The following AP4E1 variants were observed in gnomAD, a reference collection of about 807,000 sequenced individuals.
The protein encoded by AP4E1 is adaptor related protein complex 4 subunit epsilon 1, also known as AP-4 complex subunit epsilon-1.
AP4E1 carries 56 observed loss-of-function variants against 128.2 expected under a neutral mutation model. The observed-to-expected ratio is 0.44, with a 90% CI of 0.35 to 0.55. The LOEUF (loss-of-function observed/expected upper bound fraction) is 0.55. Among genes scored for constraint, AP4E1 ranks in the 20% least tolerant of loss-of-function variants. The pLI is 0.00. For synonymous variants in AP4E1, 484 were observed against 473.1 expected, an observed-to-expected ratio of 1.02 and a Z score of -0.30; for missense variants, 1,324 against 1,307.7, an observed-to-expected ratio of 1.01 and a Z score of -0.19.
At chr15:50,909,834 C>T (rs904800915) in intron 1 of AP4E1, among the ~76,000 whole-genome samples, 1 of 151,288 alleles carries the variant, frequency 6.6e-6, no homozygotes. Context: ...ACTACAAGTG[C>T]CCGCCACTGC....
rs575592148 is a variant in AP4E1 at position 51,002,810 on chromosome 15, C to T, written c.*148C>T. On this transcript the variant is annotated 3_prime_UTR_variant, in exon 21 of 21. Transcript: ENST00000261842. ...ATATGTTTTCTTTGTGATTCCTGGT[C>T]AAGAAAGATCCCCAAAACTGTATCC... 7.9e-5 allele frequency: 79 copies of T among 1,002,492 alleles called. 1 individual carries two copies. The highest frequency in any genetic ancestry group is 2.1e-4 in the South Asian group (14 of 67,816). The allele number at this position is 1,002,492 out of a possible 1,614,324, so 62.1% of individuals were successfully genotyped here.
chr15:50,990,344 T>TA (rs2064788099), intron 16 of AP4E1, among the ~76,000 whole-genome samples: 5 of 141,102 alleles, frequency 3.5e-5, no homozygotes, highest in Non-Finnish European at 6.1e-5. Context: ...ATTTATTTAA[T>TA]TTATTATTAT....
intron 5 of AP4E1, 117 bp downstream of exon 5, chr15:50,925,336 AATAATACAAAAATCTTC>A: frequency 9.0e-7 from 1 of 1,106,022 alleles, no homozygotes; most frequent in Non-Finnish European, 1.3e-6. Flanking sequence ...GACTGCTAGG[AATAATACAAAAATCTTC>A]AATAGGATCA....
chr15:50,931,107 T>C lies in AP4E1; in HGVS notation c.869+136T>C. On this transcript the variant is annotated intron_variant, in intron 7 of 20. Transcript: ENST00000261842. Reference sequence around the variant, plus strand: ...GCTTAATAGTGATAAAAGAAGCCATTGTAAGAATCACATAAATGCTTTCAG... The same window carrying C: ...GCTTAATAGTGATAAAAGAAGCCATCGTAAGAATCACATAAATGCTTTCAG... The C allele has an allele frequency of 1.8e-5, 20 of 1,108,400 alleles. No individual in the cohort carries two copies. In the South Asian group the frequency reaches 2.5e-4, roughly 14 times the overall value. 68.7% of individuals were successfully genotyped at this position (1,108,400 alleles called of 1,614,324 possible). A position where few individuals can be genotyped will look rare whatever the true frequency, so the allele number is the denominator to read the frequency against.
At chr15:51,001,307 G>C (rs2064959989) in intron 20 of AP4E1, 124 bp downstream of exon 20, 2 of 893,336 alleles carry the variant, frequency 2.2e-6, no homozygotes, top group Non-Finnish European at 3.4e-6. Context: ...CTGTCTTTCA[G>C]ATGAATGTGT....
chr15:50,948,627 TAAAAGTC>T (rs2064099260), intron 11 of AP4E1, among the ~76,000 whole-genome samples: 1 of 152,178 alleles, frequency 6.6e-6, no homozygotes, highest in Admixed American at 6.5e-5. Flanking sequence ...GTTTGTTTCT[TAAAAGTC>T]AGAAGAACTT....
upstream of AP4E1, chr15:50,908,528 T>C (rs151287309): frequency 3.2e-3 from 1,353 of 421,864 alleles, 6 homozygotes; most frequent in Middle Eastern, 0.018. Context: ...CGCTACCCCG[T>C]CGCGAGAAAG....
chr15:50,909,193 G>C (rs2063534100), intron 1 of AP4E1, among the ~76,000 whole-genome samples: 1 of 152,258 alleles, frequency 6.6e-6, no homozygotes, highest in Admixed American at 6.5e-5. Context: ...GAGCCTCCGT[G>C]TGTTTTCTCA....
At chr15:50,927,020 A>G (rs1344324661) in intron 5 of AP4E1, among the ~76,000 whole-genome samples, 1 of 152,214 alleles carries the variant, frequency 6.6e-6, no homozygotes, top group Non-Finnish European at 1.5e-5. Context: ...CTGTGTTTAG[A>G]ACGAAGGATG....
chr15:50,944,189 T>A (rs1046341342), intron 10 of AP4E1, among the ~76,000 whole-genome samples: 1 of 152,198 alleles, frequency 6.6e-6, no homozygotes, highest in African/African-American at 2.4e-5. Flanking sequence ...GTCTCTTCAA[T>A]GCTGTTGTCA....
rs2065002984 is a variant in AP4E1 at position 51,004,943 on chromosome 15, GTGCAATCTCCGCTCAC to G, written c.*2287_*2302del. On this transcript the variant is annotated 3_prime_UTR_variant, in exon 21 of 21. Transcript: ENST00000261842. Reference sequence around the variant, plus strand: ...TTGTTGCCCAGGCTAGAGTGTAATGGTGCAATCTCCGCTCACTGCAACCTCTGCCTCCCAGGTTCAA... The same window carrying G: ...TTGTTGCCCAGGCTAGAGTGTAATGGTGCAACCTCTGCCTCCCAGGTTCAA... 6.6e-6 allele frequency: 1 copy of G among 152,212 alleles called. No individual in the cohort carries two copies. The allele number at this position is 152,212 out of a possible 1,614,324, so 9.4% of individuals were successfully genotyped here.
intron 10 of AP4E1, among the ~76,000 whole-genome samples, chr15:50,947,415 C>CATAAAAAAAAAAAAAAATAAAAA (rs2064076920): frequency 8.5e-6 from 1 of 117,176 alleles, no homozygotes. Flanking sequence ...GACCCTGTCT[C>CATAAAAAAAAAAAAAAATAAAAA]AAAAAAAAAA....
chr15:50,998,630 A>G lies in AP4E1; in HGVS notation c.2905-442A>G, dbSNP rs576741091. 2.6e-5 allele frequency among the ~76,000 whole-genome samples: 4 copies of G among 151,104 alleles called. No homozygotes were observed. In the East Asian group the frequency reaches 7.8e-4, roughly 29 times the overall value. ...GGGTGACAGAGTGAGACTCCATCTC[A>G]AAAAAAAAGAATCATCTGTGGAACT... is the stretch of plus-strand genomic sequence containing the variant. On this transcript the variant is annotated intron_variant, in intron 18 of 20. Coordinates refer to ENST00000261842, the MANE Select transcript of AP4E1 (RefSeq NM_007347.5).
intron 10 of AP4E1, among the ~76,000 whole-genome samples, chr15:50,943,097 C>T (rs867704727): frequency 1.4e-4 from 21 of 152,174 alleles, no homozygotes; most frequent in African/African-American, 5.1e-4. Flanking sequence ...TTCATCATTA[C>T]ATCCATGTGT....
chr15:50,997,132 T>G (rs547538010), intron 17 of AP4E1, among the ~76,000 whole-genome samples, 194 bp from the exon 18 acceptor site: 1 of 152,322 alleles, frequency 6.6e-6, no homozygotes, highest in African/African-American at 2.4e-5. Flanking sequence ...ATTTAGCTAA[T>G]AGTTCAAAGT....
chr15:50,916,276 G>C (rs534139154), intron 3 of AP4E1, among the ~76,000 whole-genome samples: 1 of 152,184 alleles, frequency 6.6e-6, no homozygotes, highest in South Asian at 2.1e-4. Context: ...TAGTTTAATG[G>C]TCAGAAATGC....
intron 10 of AP4E1, 106 bp downstream of exon 10, chr15:50,941,881 G>T: frequency 1.2e-6 from 1 of 803,942 alleles, no homozygotes; most frequent in Admixed American, 2.2e-5. Context: ...ATGTTTGCTC[G>T]TGTGTATATT....
In AP4E1 at chr15:50,941,659, T is replaced by C; in HGVS notation, c.1067-7T>C. 1 of 1,612,924 alleles carries C rather than the reference T, an allele frequency of 6.2e-7. No individual in the cohort carries two copies. Among genetic ancestry groups the C allele is most frequent in the Non-Finnish European group, 8.5e-7 (1 of 1,179,078 alleles). On this transcript the variant is annotated splice_region_variant and splice_polypyrimidine_tract_variant and intron_variant, in intron 9 of 20. Coordinates refer to ENST00000261842, the MANE Select transcript of AP4E1 (RefSeq NM_007347.5). ...ATTCACTTTGTATAATGTGTCTTTG[T>C]TTCTAGGACTGAAGGCTCTTACCTA... is the stretch of plus-strand genomic sequence containing the variant.
intron 19 of AP4E1, among the ~76,000 whole-genome samples, chr15:51,000,758 A>C (rs1037703215): frequency 1.3e-5 from 2 of 152,214 alleles, no homozygotes; most frequent in Non-Finnish European, 2.9e-5. Flanking sequence ...ACTTGGTAAA[A>C]TCTTACTGGA....
Sources: gnomAD v4.1 joint callset for allele counts (sites outside exome capture counted in the v4.1 genomes callset) on GRCh38, gnomAD v4.1.1 for gene constraint, MANE v1.5 for transcripts, NCBI Gene and HGNC (gene_info 2026-07-23, HGNC 2026-07-21) for gene names.